TFDP2: variants seen among roughly 807,000 people sequenced by gnomAD.
The protein encoded by TFDP2 is transcription factor Dp-2.
In TFDP2, 17 loss-of-function variants were observed where a neutral mutation model predicts 59.3. That is an observed-to-expected ratio of 0.29 (90% confidence interval 0.20 to 0.43). The LOEUF (loss-of-function observed/expected upper bound fraction) is 0.43. Ranked by LOEUF, TFDP2 falls within the 20% of genes least tolerant of loss-of-function variation. The pLI is 1.00. For synonymous variants in TFDP2, 180 were observed against 194.7 expected (o/e 0.92, Z 0.63); for missense variants, 391 against 528.8 (o/e 0.74, Z 2.56).
At chr3:141,973,949 A>G in intron 8 of TFDP2, 99 bp downstream of exon 8, 2 of 1,382,196 alleles carry the variant, frequency 1.4e-6, no homozygotes, top group Non-Finnish European at 2.0e-6. Context: ...ATACATGAAA[A>G]ATTGGAAATA....
At chr3:142,014,308 AT>A (rs369934755) in intron 3 of TFDP2, among the ~76,000 whole-genome samples, 10,825 of 151,354 alleles carry the variant, frequency 0.072, 476 homozygotes, top group Non-Finnish European at 0.11. Flanking sequence ...ATGCCCAGGT[AT>A]TTTTTTTTAT....
chr3:141,969,089 A>ATAACCGGCCT, intron 9 of TFDP2, among the ~76,000 whole-genome samples: 3 of 60,500 alleles, frequency 5.0e-5, no homozygotes, highest in Admixed American at 2.1e-4. Context: ...ATATATATAT[A>ATAACCGGCCT]ACATATATAT....
rs149886530 is a variant in TFDP2, at chr3:142,088,789, T to C, written c.82+4272A>G. Among the ~76,000 whole-genome samples, 67 of 151,722 alleles carry C rather than the reference T, an allele frequency of 4.4e-4. No homozygotes were observed. The East Asian group carries it at 9.7e-3, about 22-fold the overall frequency. On this transcript the variant is annotated intron_variant, in intron 3 of 12. Transcript: ENST00000489671. ...CTGTGCCCAGACCAGCTATCTTTCT[T>C]ATCAGTGCTGCTGGACAAAAGTAGT...
intron 3 of TFDP2, among the ~76,000 whole-genome samples, chr3:142,060,546 C>A (rs1351694639): frequency 6.6e-6 from 1 of 152,114 alleles, no homozygotes; most frequent in Non-Finnish European, 1.5e-5. Context: ...ACAATATGAT[C>A]TTAAAATGCC....
At chr3:142,114,133 C>A (rs1353016839) in intron 1 of TFDP2, among the ~76,000 whole-genome samples, 1 of 151,776 alleles carries the variant, frequency 6.6e-6, no homozygotes, top group African/African-American at 2.4e-5. Context: ...CCACTGCACT[C>A]CAGCCCGGGC....
At position 141,990,915 on chromosome 3, in the gene TFDP2, G is replaced by A. The variant is rs1054302002; in HGVS notation, c.356+2623C>T. On this transcript the variant is annotated intron_variant, in intron 6 of 12. Coordinates refer to ENST00000489671, the MANE Select transcript of TFDP2 (RefSeq NM_001178139.2). The stretch of plus-strand genomic sequence containing the variant: ...CTACTGAAAATACAAAAAATTAGCC[G>A]GGCATGGTGGCACACGCCTGTAATC... Among the ~76,000 whole-genome samples, 6 of 152,148 alleles carry A rather than the reference G, an allele frequency of 3.9e-5. 1 individual carries two copies. The South Asian group carries it at 6.2e-4, about 16-fold the overall frequency.
At position 141,959,706 on chromosome 3, in the gene TFDP2, A is replaced by G. The variant is rs1401248210; in HGVS notation, c.1019T>C (p.Leu340Pro). Residue 340 changes from leucine to proline, a missense_variant, in exon 11 of 13, where the codon CTG becomes CCG. Leu to Pro is a moderately conservative substitution (Grantham distance 98, BLOSUM62 -3). Around this residue, in one of 3 missense-constraint regions of TFDP2, gnomAD observed 223 missense variants for 292.5 expected, o/e 0.76. Coordinates refer to ENST00000489671, the MANE Select transcript of TFDP2 (RefSeq NM_001178139.2). ...SLEDLKLAKS[L>P]VPKALEGYIT... ...ATAACCTTCTAAAGCCTTTGGCACC[A>G]GGGATTTCGCAAGTTTCAGATCCTC... is the stretch of plus-strand genomic sequence containing the variant. The G allele has an allele frequency of 1.2e-6, 2 of 1,614,202 alleles. No individual in the cohort carries two copies. Among genetic ancestry groups the G allele is most frequent in the Non-Finnish European group, 1.7e-6 (2 of 1,180,030 alleles).
intron 3 of TFDP2, among the ~76,000 whole-genome samples, chr3:142,073,419 G>C (rs1396597471): frequency 1.1e-5 from 1 of 89,624 alleles, no homozygotes; most frequent in Non-Finnish European, 2.3e-5. Context: ...ACAAAAGAAA[G>C]ATATCAACTG....
rs561332008 is a variant in TFDP2, at chr3:142,149,370, C to T, written c.-280G>A. On this transcript the variant is annotated 5_prime_UTR_variant, in exon 1 of 13. Transcript: ENST00000489671. ...GAGTTTGAGGCCCCAGAACGCCAAC[C>T]GTGCGCGCGCCCTCGAGCCTGCCCA... 1 of 389,106 alleles carries T rather than the reference C, an allele frequency of 2.6e-6. No individual in the cohort carries two copies. Among genetic ancestry groups the T allele is most frequent in the Non-Finnish European group, 4.5e-6 (1 of 220,342 alleles). The allele number at this position is 389,106 out of a possible 1,614,324, so 24.1% of individuals were successfully genotyped here.
At chr3:141,993,057 G>A (rs570934716) in intron 6 of TFDP2, among the ~76,000 whole-genome samples, 9 of 150,992 alleles carry the variant, frequency 6.0e-5, no homozygotes, top group South Asian at 4.2e-4. Flanking sequence ...AAACTTAGCC[G>A]GGTGTGGTGG....
At chr3:142,058,868 C>T (rs2059827224) in intron 3 of TFDP2, among the ~76,000 whole-genome samples, 1 of 152,164 alleles carries the variant, frequency 6.6e-6, no homozygotes, top group Non-Finnish European at 1.5e-5. Context: ...TGGTAATCAT[C>T]TAAATCTCCA....
At chr3:142,120,442 A>G (rs546622928) in intron 1 of TFDP2, among the ~76,000 whole-genome samples, 28 of 152,352 alleles carry the variant, frequency 1.8e-4, no homozygotes, top group African/African-American at 6.0e-4. Context: ...TTATTCTAAC[A>G]TGAACAAGAA....
intron 6 of TFDP2, among the ~76,000 whole-genome samples, chr3:141,991,438 C>G (rs1230055456): frequency 6.6e-6 from 1 of 151,846 alleles, no homozygotes; most frequent in Non-Finnish European, 1.5e-5. Context: ...TAAAATTAAC[C>G]CTTGACCTAA....
rs546546561 is a variant in TFDP2 at position 142,015,151 on chromosome 3, T to G, written c.83-9607A>C. On this transcript the variant is annotated intron_variant, in intron 3 of 12. Coordinates refer to ENST00000489671, the MANE Select transcript of TFDP2 (RefSeq NM_001178139.2). The stretch of plus-strand genomic sequence containing the variant: ...TTCCTTCTCAGCCTTAGTTGTTGGC[T>G]CCTTCTCTCTAAACATTTGGGAGCC... 3.9e-5 allele frequency among the ~76,000 whole-genome samples: 6 copies of G among 152,298 alleles called. 1 individual carries two copies. The highest frequency in any genetic ancestry group is 1.4e-4 in the African/African-American group (6 of 41,580).
At chr3:142,020,477 G>T (rs1320049777) in intron 3 of TFDP2, among the ~76,000 whole-genome samples, 2 of 151,406 alleles carry the variant, frequency 1.3e-5, no homozygotes, top group Admixed American at 6.6e-5. Flanking sequence ...GGAGGTTGCG[G>T]TGAGCCGAGA....
intron 3 of TFDP2, among the ~76,000 whole-genome samples, chr3:142,042,697 G>T: frequency 8.6e-6 from 1 of 116,176 alleles, no homozygotes; most frequent in Admixed American, 9.3e-5. Flanking sequence ...TTTATATATA[G>T]CTTTTTGTAG....
intron 3 of TFDP2, among the ~76,000 whole-genome samples, chr3:142,074,938 C>T (rs1351057167): frequency 6.6e-6 from 1 of 152,046 alleles, no homozygotes; most frequent in Non-Finnish European, 1.5e-5. Context: ...CACTGATTTT[C>T]GACAAGGGTG....
At chr3:142,053,230 A>G (rs751455826) in intron 3 of TFDP2, among the ~76,000 whole-genome samples, 8 of 152,124 alleles carry the variant, frequency 5.3e-5, no homozygotes, top group Non-Finnish European at 1.0e-4. Context: ...GTAATCCTCA[A>G]TGTTGGAGGT....
chr3:142,116,918 T>A (rs560501075), intron 1 of TFDP2, among the ~76,000 whole-genome samples: 2 of 151,516 alleles, frequency 1.3e-5, no homozygotes, highest in South Asian at 4.2e-4. Flanking sequence ...AAATTAGTCA[T>A]CTGGAAAAGG....
Sources: allele counts gnomAD v4.1 joint callset (sites outside exome capture counted in the v4.1 genomes callset), GRCh38; gene constraint gnomAD v4.1.1; regional missense constraint gnomAD v4.1.1; transcripts MANE v1.5; gene names NCBI Gene and HGNC (gene_info 2026-07-23, HGNC 2026-07-21).